UBQLN2: variants seen among roughly 807,000 people sequenced by gnomAD.
The protein encoded by UBQLN2 is ubiquilin-2.
In UBQLN2, 2 loss-of-function variants were observed where a neutral mutation model predicts 22.2. The observed-to-expected ratio is 0.09, with a 90% CI of 0.04 to 0.28. UBQLN2 has a LOEUF of 0.28. Ranked by LOEUF, UBQLN2 falls within the 10% of genes least tolerant of loss-of-function variation. The pLI, the probability that UBQLN2 is intolerant of heterozygous loss-of-function variation, is 1.00. For synonymous variants in UBQLN2, 252 were observed against 206.7 expected, an observed-to-expected ratio of 1.22 and a Z score of -1.88; for missense variants, 446 against 505.1, an observed-to-expected ratio of 0.88 and a Z score of 1.12.
At position 56,564,273 on chromosome X, in the gene UBQLN2, A is replaced by G. The variant is rs759201552; in HGVS notation, c.400A>G (p.Thr134Ala). 2 of 1,209,118 alleles carry G rather than the reference A, an allele frequency of 1.7e-6. No individual in the cohort carries two copies. Among genetic ancestry groups the G allele is most frequent in the Non-Finnish European group, 2.2e-6 (2 of 895,000 alleles). ...TSASTPRSNS[T>A]PISTNSNPFG... ...GGCGTCGACTCCCAGGAGTAACTCC[A>G]CACCTATTTCCACAAATAGCAACCC... Residue 134 changes from threonine to alanine, a missense_variant, in exon 1 of 1, where the codon ACA becomes GCA. Around this residue, in one of 3 missense-constraint regions of UBQLN2, gnomAD observed 129 missense variants for 198.1 expected, o/e 0.65. Transcript: ENST00000338222.
Position 56,563,912 on chromosome X carries a change from C to T in UBQLN2, c.39C>T (p.Pro13=), listed in dbSNP as rs771958308. The T allele has an allele frequency of 8.7e-7, 1 of 1,151,564 alleles. No homozygotes were observed. Among genetic ancestry groups the T allele is most frequent in the Non-Finnish European group, 1.2e-6 (1 of 864,790 alleles). The allele number at this position is 1,151,564 out of a possible 1,213,427, so 94.9% of individuals were successfully genotyped here. Residue 13 remains proline, a synonymous_variant, in exon 1 of 1, where the codon CCC becomes CCT. Transcript: ENST00000338222. The part of the protein sequence containing the change: ...ENGESSGPPR[P]SRGPAAAQGS... ...GCGAGAGCAGCGGCCCCCCGCGCCC[C>T]TCCCGCGGCCCTGCTGCGGCCCAAG...
Position 56,565,347 on chromosome X carries a change from G to C in UBQLN2, c.1474G>C (p.Val492Leu), listed in dbSNP as rs756653207. The C allele has an allele frequency of 9.9e-6, 12 of 1,206,568 alleles. No homozygotes were observed. Among genetic ancestry groups the C allele is most frequent in the Non-Finnish European group, 1.3e-5 (12 of 893,095 alleles). The change falls in exon 1 of 1, where the codon GTA becomes CTA. Residue 492 changes from valine to leucine, a missense_variant. By Grantham distance (32) the Val-to-Leu change is conservative (BLOSUM62 1). Around this residue, in one of 3 missense-constraint regions of UBQLN2, gnomAD observed 278 missense variants for 279.4 expected, o/e 1.00. Coordinates refer to ENST00000338222, the MANE Select transcript of UBQLN2 (RefSeq NM_013444.4). ...VGVLGTAIGPVGPVTPIGPIG... is the reference protein window; with the variant it reads ...VGVLGTAIGPLGPVTPIGPIG... Reference sequence around the variant, plus strand: ...GGTGCTGGGAACCGCTATAGGCCCTGTAGGCCCAGTCACCCCCATAGGCCC... The same window carrying C: ...GGTGCTGGGAACCGCTATAGGCCCTCTAGGCCCAGTCACCCCCATAGGCCC...
chrX:56,565,294 C>T lies in UBQLN2; in HGVS notation c.1421C>T (p.Pro474Leu). 1 of 1,211,968 alleles carries T rather than the reference C, an allele frequency of 8.3e-7. No individual in the cohort carries two copies. The highest frequency in any genetic ancestry group is 1.1e-6 in the Non-Finnish European group (1 of 895,365). The stretch of plus-strand genomic sequence containing the variant: ...GCCACTGAAGCACCTGGCCTGATTC[C>T]GAGCTTCACTCCAGGTGTGGGGGTG... The part of the protein sequence containing the change: ...TLATEAPGLI[P>L]SFTPGVGVGV... Residue 474 changes from proline (P) to leucine (L), a missense_variant, in exon 1 of 1, where the codon CCG becomes CTG. Around this residue, in one of 3 missense-constraint regions of UBQLN2, gnomAD observed 278 missense variants for 279.4 expected, o/e 1.00. Coordinates refer to ENST00000338222, the MANE Select transcript of UBQLN2 (RefSeq NM_013444.4).
In UBQLN2 at chrX:56,566,488, C is replaced by A. The variant is rs1011437877; in HGVS notation, c.*740C>A. Reference sequence around the variant, plus strand: ...TGTTTCTGGAGCTAGTTATGTCTCACAATTTTGTAGAATCTTACAGCATCT... The same window carrying A: ...TGTTTCTGGAGCTAGTTATGTCTCAAAATTTTGTAGAATCTTACAGCATCT... On this transcript the variant is annotated 3_prime_UTR_variant, in exon 1 of 1. Transcript: ENST00000338222. 1 of 123,483 alleles carries A rather than the reference C, an allele frequency of 8.1e-6. No individual in the cohort carries two copies. The highest frequency in any genetic ancestry group is 3.2e-5 in the African/African-American group (1 of 30,919). 10.2% of individuals were successfully genotyped at this position (123,483 alleles called of 1,213,427 possible).
chrX:56,567,669 G>A lies in UBQLN2; in HGVS notation c.*1921G>A, dbSNP rs1397953829. On this transcript the variant is annotated 3_prime_UTR_variant, in exon 1 of 1. Coordinates refer to ENST00000338222, the MANE Select transcript of UBQLN2 (RefSeq NM_013444.4). Reference sequence around the variant, plus strand: ...TATAGGAGAAGAATTTATTTGCATCGATTATTTTAAATTGGCAATTTATTG... The same window carrying A: ...TATAGGAGAAGAATTTATTTGCATCAATTATTTTAAATTGGCAATTTATTG... The A allele has an allele frequency of 1.6e-5, 2 of 122,613 alleles. No homozygotes were observed. The highest frequency in any genetic ancestry group is 4.6e-3 in the Middle Eastern group (1 of 218). The allele number at this position is 122,613 out of a possible 1,213,427, so 10.1% of individuals were successfully genotyped here.
chrX:56,563,980 C>T lies in UBQLN2; in HGVS notation c.107C>T (p.Thr36Met). Residue 36 changes from threonine to methionine, a missense_variant, in exon 1 of 1, where the codon ACG (threonine) becomes ATG (methionine). Physicochemically the swap from Thr to Met is moderately conservative, Grantham distance 81 (BLOSUM62 -1). This residue lies in a region of UBQLN2 where 129 missense variants were observed against 198.1 expected (regional missense o/e 0.65). Coordinates refer to ENST00000338222, the MANE Select transcript of UBQLN2 (RefSeq NM_013444.4). ...GCTGAGCCTAAAATCATCAAAGTCA[C>T]GGTGAAGACTCCCAAAGAGAAAGAG... ...APAEPKIIKV[T>M]VKTPKEKEEF... is the part of the protein sequence containing the mutation. 8.6e-7 allele frequency: 1 copy of T among 1,168,761 alleles called. No homozygotes were observed. Among genetic ancestry groups the T allele is most frequent in the Non-Finnish European group, 1.1e-6 (1 of 872,904 alleles).
Position 56,563,669 on chromosome X carries a change from A to C in UBQLN2, c.-205A>C. 1 of 350,611 alleles carries C rather than the reference A, an allele frequency of 2.9e-6. No homozygotes were observed. Among genetic ancestry groups the C allele is most frequent in the Non-Finnish European group, 4.9e-6 (1 of 205,975 alleles). The allele number at this position is 350,611 out of a possible 1,213,427, so 28.9% of individuals were successfully genotyped here. The stretch of plus-strand genomic sequence containing the variant: ...GAGGCCCAGAGACCGGAGCGCGGAG[A>C]CCTCAGCCAGCGGCCTACGCCCAGG... On this transcript the variant is annotated 5_prime_UTR_variant, in exon 1 of 1. Transcript: ENST00000338222.
In UBQLN2 at chrX:56,565,699, G is replaced by A; in HGVS notation, c.1826G>A (p.Gly609Asp). The change falls in exon 1 of 1, where the codon GGC becomes GAC. Residue 609 changes from glycine (G) to aspartate (D), a missense_variant. Transcript: ENST00000338222. ...ANLQALIATG[G>D]DINAAIERLL... ...TTGCAGGCCCTAATAGCAACAGGAG[G>A]CGACATCAATGCAGCCATTGAAAGG... 1 of 1,211,492 alleles carries A rather than the reference G, an allele frequency of 8.3e-7. No individual in the cohort carries two copies. Among genetic ancestry groups the A allele is most frequent in the Non-Finnish European group, 1.1e-6 (1 of 895,257 alleles).
chrX:56,565,442 C>A lies in UBQLN2; in HGVS notation c.1569C>A (p.Ala523=), dbSNP rs762076931. Residue 523 remains alanine (A), a synonymous_variant, in exon 1 of 1, where the codon GCC becomes GCA. Coordinates refer to ENST00000338222, the MANE Select transcript of UBQLN2 (RefSeq NM_013444.4). ...CCATAGGACCCACTGGCCCTGCAGC[C>A]CCCCCTGGCTCCACCGGCTCTGGTG... ...IGPIGPTGPA[A]PPGSTGSGGP... 2 of 1,195,427 alleles carry A rather than the reference C, an allele frequency of 1.7e-6. No individual in the cohort carries two copies. The highest frequency in any genetic ancestry group is 3.6e-5 in the South Asian group (2 of 55,273).
rs746075271 is a variant in UBQLN2 at position 56,564,200 on chromosome X, G to A, written c.327G>A (p.Gln109=). ...HLVIKSQNRP[Q]GQSTQPSNAA... ...TCATCAAAAGCCAGAACCGACCTCA[G>A]GGCCAGTCCACGCAGCCTAGCAATG... The change falls in exon 1 of 1, where the codon CAG becomes CAA. Residue 109 remains glutamine (Q), a synonymous_variant. Transcript: ENST00000338222. 5.0e-6 allele frequency: 6 copies of A among 1,211,318 alleles called. No homozygotes were observed. In the East Asian group the frequency reaches 1.5e-4, roughly 30 times the overall value.
rs1227287700 is a variant in UBQLN2, at chrX:56,564,410, T to A, written c.537T>A (p.Pro179=). Residue 179 remains proline, a synonymous_variant, in exon 1 of 1, where the codon CCT becomes CCA. Coordinates refer to ENST00000338222, the MANE Select transcript of UBQLN2 (RefSeq NM_013444.4). ...TGCAGCAGCAGCTTATGGCCAGCCC[T>A]GAGATGATGATCCAAATAATGGAAA... ...SQMQQQLMAS[P]EMMIQIMENP... is the part of the protein sequence containing the mutation. 1 of 1,211,077 alleles carries A rather than the reference T, an allele frequency of 8.3e-7. No individual in the cohort carries two copies. The highest frequency in any genetic ancestry group is 1.8e-5 in the South Asian group (1 of 56,950).
Position 56,567,239 on chromosome X carries a change from G to A in UBQLN2, c.*1491G>A, listed in dbSNP as rs1427023046. On this transcript the variant is annotated 3_prime_UTR_variant, in exon 1 of 1. Transcript: ENST00000338222. ...CCCTTTAGTTCCATTGAACATTGTG[G>A]CACCAGTACACCAGCCTGTAGATGA... 1 of 123,117 alleles carries A rather than the reference G, an allele frequency of 8.1e-6. No individual in the cohort carries two copies. The highest frequency in any genetic ancestry group is 1.9e-5 in the Non-Finnish European group (1 of 53,148). The allele number at this position is 123,117 out of a possible 1,213,427, so 10.1% of individuals were successfully genotyped here. A position where few individuals can be genotyped will look rare whatever the true frequency, so the allele number is the denominator to read the frequency against.
chrX:56,565,335 G>A lies in UBQLN2; in HGVS notation c.1462G>A (p.Ala488Thr). Reference sequence around the variant, plus strand: ...TGTGGGGGTGGGGGTGCTGGGAACCGCTATAGGCCCTGTAGGCCCAGTCAC... The same window carrying A: ...TGTGGGGGTGGGGGTGCTGGGAACCACTATAGGCCCTGTAGGCCCAGTCAC... ...PGVGVGVLGT[A>T]IGPVGPVTPI... is the part of the protein sequence containing the mutation. The change falls in exon 1 of 1, where the codon GCT becomes ACT. Residue 488 changes from alanine (A) to threonine (T), a missense_variant. By Grantham distance (58) the Ala-to-Thr change is moderately conservative (BLOSUM62 0). Transcript: ENST00000338222. 8.3e-7 allele frequency: 1 copy of A among 1,209,365 alleles called. No individual in the cohort carries two copies. Among genetic ancestry groups the A allele is most frequent in the South Asian group, 1.8e-5 (1 of 56,645 alleles).
rs374522677 is a variant in UBQLN2, at chrX:56,564,337, G to A, written c.464G>A (p.Ser155Asn). 1 of 1,211,603 alleles carries A rather than the reference G, an allele frequency of 8.3e-7. No homozygotes were observed. Among genetic ancestry groups the A allele is most frequent in the Non-Finnish European group, 1.1e-6 (1 of 895,393 alleles). ...LGSLGGLAGLSSLGLSSTNFS... is the reference protein window; with the variant it reads ...LGSLGGLAGLNSLGLSSTNFS... Reference sequence around the variant, plus strand: ...AGCCTGGGAGGACTTGCAGGCCTTAGCAGCCTGGGCTTGAGCTCGACCAAC... The same window carrying A: ...AGCCTGGGAGGACTTGCAGGCCTTAACAGCCTGGGCTTGAGCTCGACCAAC... The change falls in exon 1 of 1, where the codon AGC becomes AAC. Residue 155 changes from serine (S) to asparagine (N), a missense_variant. Ser to Asn is a conservative substitution (Grantham distance 46). Transcript: ENST00000338222.
rs764167145 is a variant in UBQLN2, at chrX:56,565,317, G to T, written c.1444G>T (p.Val482Leu). ...TCCGAGCTTCACTCCAGGTGTGGGG[G>T]TGGGGGTGCTGGGAACCGCTATAGG... ...LIPSFTPGVG[V>L]GVLGTAIGPV... The change falls in exon 1 of 1, where the codon GTG (valine) becomes TTG (leucine). Residue 482 changes from valine (V) to leucine (L), a missense_variant. Coordinates refer to ENST00000338222, the MANE Select transcript of UBQLN2 (RefSeq NM_013444.4). 1.7e-6 allele frequency: 2 copies of T among 1,211,250 alleles called. No individual in the cohort carries two copies. Among genetic ancestry groups the T allele is most frequent in the Non-Finnish European group, 2.2e-6 (2 of 895,047 alleles).
At position 56,564,659 on chromosome X, in the gene UBQLN2, A is replaced by T. The variant is rs751448772; in HGVS notation, c.786A>T (p.Pro262=). ...CTCTTAGCAATCTAGAAAGCATCCC[A>T]GGTGGCTATAATGCTTTACGGCGCA... is the stretch of plus-strand genomic sequence containing the variant. ...DLALSNLESI[P]GGYNALRRMY... is the part of the protein sequence containing the mutation. Residue 262 remains proline (P), a synonymous_variant, in exon 1 of 1, where the codon CCA becomes CCT. Transcript: ENST00000338222. 5 of 1,210,665 alleles carry T rather than the reference A, an allele frequency of 4.1e-6. No individual in the cohort carries two copies. The highest frequency in any genetic ancestry group is 5.6e-6 in the Non-Finnish European group (5 of 894,681).
Position 56,563,886 on chromosome X carries a change from G to C in UBQLN2, c.13G>C (p.Gly5Arg). ...CACCGCGGCCGCCATGGCTGAGAATGGCGAGAGCAGCGGCCCCCCGCGCCC... is the reference window on the plus strand; with the variant it reads ...CACCGCGGCCGCCATGGCTGAGAATCGCGAGAGCAGCGGCCCCCCGCGCCC... MAEN[G>R]ESSGPPRPSR... is the part of the protein sequence containing the mutation. Residue 5 changes from glycine (G) to arginine (R), a missense_variant, in exon 1 of 1, where the codon GGC (glycine) becomes CGC (arginine). Physicochemically the swap from Gly to Arg is moderately radical, Grantham distance 125. Around this residue, in one of 3 missense-constraint regions of UBQLN2, gnomAD observed 39 missense variants for 27.6 expected, o/e 1.41. Transcript: ENST00000338222. The C allele has an allele frequency of 8.7e-7, 1 of 1,152,975 alleles. No homozygotes were observed. The highest frequency in any genetic ancestry group is 1.2e-6 in the Non-Finnish European group (1 of 866,581).
At position 56,564,680 on chromosome X, in the gene UBQLN2, G is replaced by C; in HGVS notation, c.807G>C (p.Arg269=). Residue 269 remains arginine (R), a synonymous_variant, in exon 1 of 1, where the codon CGG becomes CGC. Coordinates refer to ENST00000338222, the MANE Select transcript of UBQLN2 (RefSeq NM_013444.4). ...ESIPGGYNAL[R]RMYTDIQEPM... is the part of the protein sequence containing the mutation. ...TCCCAGGTGGCTATAATGCTTTACG[G>C]CGCATGTACACTGACATTCAAGAGC... 1 of 1,210,990 alleles carries C rather than the reference G, an allele frequency of 8.3e-7. No individual in the cohort carries two copies. The highest frequency in any genetic ancestry group is 3.0e-5 in the East Asian group (1 of 33,817).
rs767507217 is a variant in UBQLN2, at chrX:56,564,866, T to C, written c.993T>C (p.Thr331=). The C allele has an allele frequency of 2.1e-5, 25 of 1,209,264 alleles. No individual in the cohort carries two copies. The highest frequency in any genetic ancestry group is 2.6e-5 in the Non-Finnish European group (23 of 895,016). The change falls in exon 1 of 1, where the codon ACT becomes ACC. Residue 331 remains threonine, a synonymous_variant. Transcript: ENST00000338222. ...APPPATQSSA[T]TSTTTSTGSG... The stretch of plus-strand genomic sequence containing the variant: ...CGCCAGCTACCCAGAGTTCTGCAAC[T>C]ACCAGCACGACCACAAGCACTGGTA...
Sources: gnomAD v4.1 joint callset for allele counts on GRCh38, gnomAD v4.1.1 for gene constraint, gnomAD v4.1.1 regional missense constraint, MANE v1.5 for transcripts, NCBI Gene and HGNC (gene_info 2026-07-23, HGNC 2026-07-21) for gene names.